Variants in DYM observed in about 807,000 individuals in gnomAD.
The protein encoded by DYM is dymeclin, also known as dyggve-Melchior-Clausen syndrome protein.
In DYM, 78 loss-of-function variants were observed where a neutral mutation model predicts 93.1. The observed-to-expected ratio is 0.84, with a 90% confidence interval of 0.70 to 1.01. The LOEUF (loss-of-function observed/expected upper bound fraction) is 1.01, where lower values mean the gene tolerates loss of function less well. Among genes scored for constraint, DYM ranks in the 50% least tolerant of loss-of-function variants. The probability of loss-of-function intolerance (pLI) is 0.00; values close to 1 mark genes in which losing one functional copy is unlikely to be tolerated. For missense variants in DYM, 789 were observed against 845.0 expected, an observed-to-expected ratio of 0.93 and a Z score of 0.82; for synonymous variants, 321 against 319.7, an observed-to-expected ratio of 1.00 and a Z score of -0.04.
intron 13 of DYM, among the ~76,000 whole-genome samples, chr18:49,236,324 C>CA (rs1207330315): frequency 2.6e-5 from 4 of 151,814 alleles, no homozygotes; most frequent in South Asian, 4.2e-4. Context: ...ATTAAAAATA[C>CA]AAAAAATTAG....
intron 1 of DYM, among the ~76,000 whole-genome samples, chr18:49,450,671 C>T (rs148692416): frequency 3.9e-5 from 6 of 152,248 alleles, no homozygotes; most frequent in South Asian, 2.1e-4. Flanking sequence ...ATTGCCAAAA[C>T]GATGTCCAAT....
chr18:49,431,224 A>T (rs2080292432), intron 1 of DYM, among the ~76,000 whole-genome samples: 1 of 152,238 alleles, frequency 6.6e-6, no homozygotes, highest in South Asian at 2.1e-4. Context: ...AGAGATCCCA[A>T]TTACAAAGGA....
chr18:49,286,664 A>G (rs1480161512), intron 8 of DYM, 48 bp from the exon 9 acceptor site: 15 of 1,561,718 alleles, frequency 9.6e-6, no homozygotes, highest in Non-Finnish European at 1.3e-5. Context: ...CAATGAGATG[A>G]ATGTATTTCT....
chr18:49,407,847 TAC>T (rs147497058), intron 2 of DYM, among the ~76,000 whole-genome samples: 166 of 152,332 alleles, frequency 1.1e-3, no homozygotes, highest in African/African-American at 3.8e-3. Flanking sequence ...TACAAGATGT[TAC>T]AGTTACAAGA....
Position 49,038,796 on chromosome 18 carries a change from T to A in DYM, c.*5259A>T, listed in dbSNP as rs1424353553. 6.6e-6 allele frequency among the ~76,000 whole-genome samples: 1 copy of A among 152,248 alleles called. No homozygotes were observed. The highest frequency in any genetic ancestry group is 1.5e-5 in the Non-Finnish European group (1 of 68,032). On this transcript the variant is annotated 3_prime_UTR_variant, in exon 18 of 18. Coordinates refer to ENST00000675505, the MANE Select transcript of DYM (RefSeq NM_001353214.3). ...GTGGAAAGCTATACACTTTTATTGA[T>A]ATCTCAAATATTATCATGCATACAT...
At chr18:49,186,829 T>G (rs2090477934) in intron 14 of DYM, among the ~76,000 whole-genome samples, 1 of 151,720 alleles carries the variant, frequency 6.6e-6, no homozygotes, top group South Asian at 2.1e-4. Flanking sequence ...AATCCAACCA[T>G]CACTTTCAGA....
intron 16 of DYM, among the ~76,000 whole-genome samples, chr18:49,106,167 C>G (rs536881155): frequency 1.3e-5 from 2 of 152,130 alleles, no homozygotes; most frequent in Non-Finnish European, 2.9e-5. Flanking sequence ...ATGTAATGGC[C>G]TTCTTTCTCT....
chr18:49,409,009 G>A (rs2071864841), intron 2 of DYM, among the ~76,000 whole-genome samples: 1 of 152,110 alleles, frequency 6.6e-6, no homozygotes, highest in Non-Finnish European at 1.5e-5. Context: ...TGTGGGCTGG[G>A]CACAGTGGTT....
At chr18:49,093,084 T>C (rs1207732480) in intron 17 of DYM, 1 of 151,980 alleles carries the variant, frequency 6.6e-6, no homozygotes, top group African/African-American at 2.4e-5. Flanking sequence ...TTGAATGAGA[T>C]GGGTGTGCTG....
chr18:49,089,105 AC>A (rs532234637), intron 17 of DYM, among the ~76,000 whole-genome samples: 4 of 151,868 alleles, frequency 2.6e-5, no homozygotes, highest in Non-Finnish European at 4.4e-5. Context: ...GCTCCAAAGA[AC>A]TCCTTAGCCT....
intron 8 of DYM, among the ~76,000 whole-genome samples, chr18:49,305,698 T>C (rs2061233018): frequency 6.6e-6 from 1 of 152,216 alleles, no homozygotes; most frequent in South Asian, 2.1e-4. Flanking sequence ...CCTATCACAG[T>C]GTACAAATAT....
chr18:49,220,411 G>A (rs1234729460), intron 13 of DYM, among the ~76,000 whole-genome samples: 2 of 150,240 alleles, frequency 1.3e-5, no homozygotes, highest in Admixed American at 1.3e-4. Context: ...CTACTTTAAA[G>A]TTCATATGGA....
At chr18:49,139,807 C>G (rs759368246) in intron 15 of DYM, among the ~76,000 whole-genome samples, 21 of 152,178 alleles carry the variant, frequency 1.4e-4, no homozygotes, top group Non-Finnish European at 2.9e-4. Flanking sequence ...CATGGTCATT[C>G]CCTTTGACTG....
intron 15 of DYM, among the ~76,000 whole-genome samples, chr18:49,147,332 C>A (rs1229505481): frequency 6.6e-6 from 1 of 151,272 alleles, no homozygotes; most frequent in African/African-American, 2.4e-5. Flanking sequence ...CAACAAAAGC[C>A]AAAATTGACA....
At chr18:49,447,786 T>C (rs2082215752) in intron 1 of DYM, among the ~76,000 whole-genome samples, 1 of 152,188 alleles carries the variant, frequency 6.6e-6, no homozygotes, top group African/African-American at 2.4e-5. Context: ...GGAAGTTTTA[T>C]GGTTCAGGGA....
rs72642448 is a variant in DYM, at chr18:49,197,502, T to G, written c.1625+12049A>C. On this transcript the variant is annotated intron_variant, in intron 14 of 17. Coordinates refer to ENST00000675505, the MANE Select transcript of DYM (RefSeq NM_001353214.3). ...GCCTTCTACTCTCCCCTAGAATGCA[T>G]GTAAACAATTCACTCCCATGGTTCT... Among the ~76,000 whole-genome samples, 552 of 152,118 alleles carry G rather than the reference T, an allele frequency of 3.6e-3. 28 individuals carry two copies. In the East Asian group the frequency reaches 0.084, roughly 23 times the overall value.
chr18:49,117,879 G>C (rs1028659423), intron 16 of DYM, among the ~76,000 whole-genome samples: 8 of 151,972 alleles, frequency 5.3e-5, no homozygotes, highest in Admixed American at 2.6e-4. Flanking sequence ...AGCTTTAGCA[G>C]AGATGGGGTT....
intron 8 of DYM, among the ~76,000 whole-genome samples, chr18:49,319,561 AG>A (rs972055061): frequency 6.6e-6 from 1 of 152,210 alleles, no homozygotes; most frequent in African/African-American, 2.4e-5. Context: ...ATGGTAAACG[AG>A]TATTTGTTTT....
intron 8 of DYM, among the ~76,000 whole-genome samples, chr18:49,312,227 C>T (rs2061641616): frequency 1.3e-5 from 2 of 152,206 alleles, no homozygotes; most frequent in South Asian, 4.2e-4. Context: ...GGGGCAGGTC[C>T]CCAGTGAAAC....
Sources: gnomAD v4.1 joint callset for allele counts (sites outside exome capture counted in the v4.1 genomes callset) on GRCh38, gnomAD v4.1.1 for gene constraint, MANE v1.5 for transcripts, NCBI Gene and HGNC (gene_info 2026-07-23, HGNC 2026-07-21) for gene names.